SHISA6: variants seen among roughly 807,000 people sequenced by gnomAD.
SHISA6 encodes protein shisa-6.
A neutral mutation model predicts 47.9 loss-of-function variants in SHISA6; 22 were observed. The ratio of observed to expected loss-of-function variants is 0.46; its 90% CI spans 0.33 to 0.66. SHISA6 has a LOEUF of 0.66. SHISA6 is among the 30% of genes least tolerant of loss of function. SHISA6 has a pLI of 0.02. For missense variants in SHISA6, 680 were observed against 764.6 expected (o/e 0.89, Z 1.30); for synonymous variants, 388 against 337.8 (o/e 1.15, Z -1.63).
In SHISA6 at chr17:11,562,691, T is replaced by A. The variant is rs1193078703; in HGVS notation, c.*4387T>A. 1.4e-4 allele frequency: 22 copies of A among 152,220 alleles called. No individual in the cohort carries two copies. The highest frequency in any genetic ancestry group is 1.4e-3 in the Admixed American group (22 of 15,264). The allele number at this position is 152,220 out of a possible 1,614,324, so 9.4% of individuals were successfully genotyped here. ...TGCCTCAGTTTCCCCATCTGTAAAA[T>A]GAGGGGCTTTGACTAGATGAGCTCT... On this transcript the variant is annotated 3_prime_UTR_variant, in exon 6 of 6. Coordinates refer to ENST00000441885, the MANE Select transcript of SHISA6 (RefSeq NM_207386.4).
intron 3 of SHISA6, among the ~76,000 whole-genome samples, chr17:11,504,974 G>T (rs1029799186): frequency 2.6e-5 from 4 of 152,162 alleles, no homozygotes; most frequent in African/African-American, 9.7e-5. Flanking sequence ...AGCTGTTCTT[G>T]TCCTCACTGG....
At chr17:11,379,902 G>A (rs1026940740) in intron 3 of SHISA6, 14 of 226,544 alleles carry the variant, frequency 6.2e-5, no homozygotes, top group Non-Finnish European at 1.1e-4. Context: ...CAATGTCAAT[G>A]TTCTGTACTG....
At chr17:11,388,711 A>AG (rs1317047119) in intron 3 of SHISA6, among the ~76,000 whole-genome samples, 1 of 148,854 alleles carries the variant, frequency 6.7e-6, no homozygotes, top group African/African-American at 2.5e-5. Context: ...GGTAAAAAAA[A>AG]TGATTGCATC....
At chr17:11,246,194 A>G (rs1907580651) in intron 1 of SHISA6, among the ~76,000 whole-genome samples, 1 of 131,480 alleles carries the variant, frequency 7.6e-6, no homozygotes, top group African/African-American at 4.2e-5. Flanking sequence ...TCTTTGAGTT[A>G]AAAAAAAAAT....
intron 2 of SHISA6, among the ~76,000 whole-genome samples, chr17:11,317,024 C>T (rs1910547821): frequency 6.6e-6 from 1 of 152,098 alleles, no homozygotes; most frequent in Non-Finnish European, 1.5e-5. Context: ...ACCATTTCTA[C>T]ATTGAGAGGC....
intron 3 of SHISA6, among the ~76,000 whole-genome samples, chr17:11,551,617 C>A (rs71362114): frequency 6.6e-6 from 1 of 151,574 alleles, no homozygotes; most frequent in East Asian, 1.9e-4. Flanking sequence ...CATCCTTCTC[C>A]TCTTCCACCC....
intron 3 of SHISA6, among the ~76,000 whole-genome samples, chr17:11,400,416 T>C (rs963056506): frequency 1.3e-5 from 2 of 152,206 alleles, no homozygotes; most frequent in Non-Finnish European, 2.9e-5. Context: ...TCTGCTTCAT[T>C]CTTTTGATAC....
At chr17:11,356,025 C>A (rs1912067611) in intron 2 of SHISA6, among the ~76,000 whole-genome samples, 1 of 152,196 alleles carries the variant, frequency 6.6e-6, no homozygotes, top group African/African-American at 2.4e-5. Flanking sequence ...TGGTCCAAAT[C>A]TGCCTTGTAA....
intron 3 of SHISA6, among the ~76,000 whole-genome samples, chr17:11,504,582 T>C (rs1007087401): frequency 1.3e-5 from 2 of 152,086 alleles, no homozygotes; most frequent in African/African-American, 4.8e-5. Flanking sequence ...ATCACATGCA[T>C]CGGCCCAGGC....
intron 3 of SHISA6, among the ~76,000 whole-genome samples, chr17:11,399,673 C>T (rs111391854): frequency 0.023 from 3,459 of 152,250 alleles, 120 homozygotes; most frequent in African/African-American, 0.077. Flanking sequence ...CTGCCTGTCT[C>T]GGCCTCCCAA....
chr17:11,328,901 G>A (rs11868287), intron 2 of SHISA6, among the ~76,000 whole-genome samples: 2,055 of 152,222 alleles, frequency 0.013, 45 homozygotes, highest in African/African-American at 0.039. Flanking sequence ...TGCTGTGGGC[G>A]CATCTGCTGT....
chr17:11,429,822 T>C (rs982881390), intron 3 of SHISA6, among the ~76,000 whole-genome samples: 1 of 141,708 alleles, frequency 7.1e-6, no homozygotes, highest in African/African-American at 2.6e-5. Flanking sequence ...ATCCAATCAA[T>C]CAATCAATCA....
chr17:11,394,378 A>G (rs1021563396), intron 3 of SHISA6, among the ~76,000 whole-genome samples: 1 of 152,218 alleles, frequency 6.6e-6, no homozygotes, highest in Non-Finnish European at 1.5e-5. Context: ...GGACTCCTGC[A>G]TATGTGCTGA....
At chr17:11,375,868 G>A (rs1171699130) in intron 2 of SHISA6, among the ~76,000 whole-genome samples, 4 of 152,152 alleles carry the variant, frequency 2.6e-5, no homozygotes, top group African/African-American at 7.2e-5. Flanking sequence ...TGGCAGAACT[G>A]GAGGTATAGA....
intron 2 of SHISA6, among the ~76,000 whole-genome samples, chr17:11,286,995 T>A (rs1909322534): frequency 6.6e-6 from 1 of 152,266 alleles, no homozygotes; most frequent in Admixed American, 6.5e-5. Context: ...TGTTTTCTTG[T>A]TGAATATGGT....
At chr17:11,300,932 T>C (rs1251692642) in intron 2 of SHISA6, among the ~76,000 whole-genome samples, 2 of 115,808 alleles carry the variant, frequency 1.7e-5, no homozygotes, top group Non-Finnish European at 3.3e-5. Context: ...CTGTATGGGG[T>C]GGGGGGAGAG....
chr17:11,466,676 A>G (rs986139761), intron 3 of SHISA6, among the ~76,000 whole-genome samples: 1 of 152,110 alleles, frequency 6.6e-6, no homozygotes, highest in African/African-American at 2.4e-5. Context: ...CACTTACATA[A>G]GATTTTGTAG....
chr17:11,383,547 G>A (rs1913098208), intron 3 of SHISA6, among the ~76,000 whole-genome samples: 1 of 152,012 alleles, frequency 6.6e-6, no homozygotes, highest in Non-Finnish European at 1.5e-5. Flanking sequence ...CTTCATTTTT[G>A]TCTAGAAGGT....
chr17:11,325,146 C>T (rs965572843), intron 2 of SHISA6, among the ~76,000 whole-genome samples: 1 of 152,104 alleles, frequency 6.6e-6, no homozygotes, highest in African/African-American at 2.4e-5. Flanking sequence ...GAGGATCACC[C>T]CAGATGGAAA....
Sources: gnomAD v4.1 joint callset for allele counts (sites outside exome capture counted in the v4.1 genomes callset) on GRCh38, gnomAD v4.1.1 for gene constraint, MANE v1.5 for transcripts, NCBI Gene and HGNC (gene_info 2026-07-23, HGNC 2026-07-21) for gene names.